NFU1: variants seen among roughly 807,000 people sequenced by gnomAD.
NFU1 encodes NFU1 iron-sulfur cluster scaffold homolog, mitochondrial.
A neutral mutation model predicts 32.2 loss-of-function variants in NFU1; 30 were observed. That is an observed-to-expected ratio of 0.93 (90% CI 0.70 to 1.26). The LOEUF (loss-of-function observed/expected upper bound fraction) is 1.26, where lower values mean the gene tolerates loss of function less well. Ranked by LOEUF, NFU1 falls within the 50% of genes most tolerant of loss-of-function variation. The probability of loss-of-function intolerance (pLI) is 0.00; values close to 1 mark genes in which losing one functional copy is unlikely to be tolerated. For synonymous variants in NFU1, 112 were observed against 104.6 expected (o/e 1.07, Z -0.43); for missense variants, 306 against 306.6 (o/e 1.00, Z 0.02).
intron 1 of NFU1, among the ~76,000 whole-genome samples, chr2:69,432,615 T>C (rs940401033): frequency 6.6e-6 from 1 of 152,126 alleles, no homozygotes; most frequent in Admixed American, 6.5e-5. Flanking sequence ...ATTAGTAATT[T>C]ATAACCCATA....
intron 5 of NFU1, among the ~76,000 whole-genome samples, chr2:69,414,243 G>A (rs1309266801): frequency 6.6e-6 from 1 of 152,046 alleles, no homozygotes; most frequent in Non-Finnish European, 1.5e-5. Flanking sequence ...CATAAAATGA[G>A]TAAACTAGAA....
rs147202302 is a variant in NFU1, at chr2:69,402,910, G to C, written c.546-2372C>G. Among the ~76,000 whole-genome samples the C allele has an allele frequency of 2.0e-5, 3 of 150,102 alleles. No homozygotes were observed. The East Asian group carries it at 5.8e-4, about 29-fold the overall frequency. ...TATCTGATTTCTTGTGTCCCGTTGG[G>C]GAAAAAAAAAAAAATTGCCTACCCG... On this transcript the variant is annotated intron_variant, in intron 6 of 7. Coordinates refer to ENST00000410022, the MANE Select transcript of NFU1 (RefSeq NM_001002755.4).
chr2:69,432,791 C>G (rs369949504), intron 1 of NFU1, among the ~76,000 whole-genome samples: 30 of 152,214 alleles, frequency 2.0e-4, no homozygotes, highest in African/African-American at 7.2e-4. Flanking sequence ...ACGTTTCCCT[C>G]TCTCAAGATA....
chr2:69,436,849 A>G (rs1673855967), intron 1 of NFU1, among the ~76,000 whole-genome samples: 1 of 151,046 alleles, frequency 6.6e-6, no homozygotes, highest in Non-Finnish European at 1.5e-5. Flanking sequence ...CAGGGAATCT[A>G]GGGGTCCTGG....
At chr2:69,402,202 G>T (rs1286251525) in intron 6 of NFU1, among the ~76,000 whole-genome samples, 1 of 152,042 alleles carries the variant, frequency 6.6e-6, no homozygotes, top group Non-Finnish European at 1.5e-5. Context: ...GCCACTATTT[G>T]ATCATCTTTT....
chr2:69,400,486 C>T lies in NFU1; in HGVS notation c.598G>A (p.Gly200Ser). Residue 200 changes from glycine (G) to serine (S), a missense_variant, in exon 7 of 8, where the codon GGC (glycine) becomes AGC (serine). Gly to Ser is a moderately conservative substitution (Grantham distance 56). Coordinates refer to ENST00000410022, the MANE Select transcript of NFU1 (RefSeq NM_001002755.4). Reference protein sequence around the residue: ...GDVIYKGFEDGIVQLKLQGSC... With the variant: ...GDVIYKGFEDSIVQLKLQGSC... ...CCCTGGAGTTTCAGCTGTACAATGCCATCTTCAAAGCCTTTGTAGATTACA... is the reference window on the plus strand; with the variant it reads ...CCCTGGAGTTTCAGCTGTACAATGCTATCTTCAAAGCCTTTGTAGATTACA... 1 of 1,614,090 alleles carries T rather than the reference C, an allele frequency of 6.2e-7. No homozygotes were observed. The highest frequency in any genetic ancestry group is 8.5e-7 in the Non-Finnish European group (1 of 1,179,994).
rs1373660447 is a variant in NFU1 at position 69,415,259 on chromosome 2, A to T, written c.410T>A (p.Ile137Asn). The stretch of plus-strand genomic sequence containing the variant: ...AAAGAAGTCCATGATTGTTGCATAA[A>T]TATCTGGTTTCAGTAAATTCCAGTC... Reference protein sequence around the residue: ...ELDWNLLKPDIYATIMDFFAS... With the variant: ...ELDWNLLKPDNYATIMDFFAS... Residue 137 changes from isoleucine (I) to asparagine (N), a missense_variant, in exon 5 of 8, where the codon ATT becomes AAT. Transcript: ENST00000410022. 6.2e-7 allele frequency: 1 copy of T among 1,612,566 alleles called. No homozygotes were observed. Among genetic ancestry groups the T allele is most frequent in the Non-Finnish European group, 8.5e-7 (1 of 1,178,804 alleles).
chr2:69,410,338 G>A lies in NFU1; in HGVS notation c.485-4256C>T, dbSNP rs185049172. Among the ~76,000 whole-genome samples, 719 of 152,174 alleles carry A rather than the reference G, an allele frequency of 4.7e-3. 11 individuals carry two copies. Among genetic ancestry groups the A allele is most frequent in the Admixed American group, 0.011 (173 of 15,278 alleles). ...TGGGAGGTGGAGGTTGCAGTGAGCC[G>A]AGATCGCACCATTGCTCTCCAGCCT... On this transcript the variant is annotated intron_variant, in intron 5 of 7. Transcript: ENST00000410022.
At chr2:69,398,365 A>G (rs7592828) in intron 7 of NFU1, among the ~76,000 whole-genome samples, 99,307 of 152,004 alleles carry the variant, frequency 0.65, 33,704 homozygotes, top group African/African-American at 0.85. Context: ...CTTCAAAGAG[A>G]AGATGTCATG....
chr2:69,423,730 A>G lies in NFU1; in HGVS notation c.167-13T>C. 6.4e-7 allele frequency: 1 copy of G among 1,572,370 alleles called. No individual in the cohort carries two copies. The highest frequency in any genetic ancestry group is 8.7e-7 in the Non-Finnish European group (1 of 1,143,096). On this transcript the variant is annotated splice_polypyrimidine_tract_variant and intron_variant, in intron 2 of 7. Transcript: ENST00000410022. ...AACATGTATCTCACTAAAAAAGAAA[A>G]AGAAGAAAATGTTATTCTAGAAAAA...
chr2:69,417,247 A>C (rs1436414150), intron 4 of NFU1, among the ~76,000 whole-genome samples: 1 of 152,212 alleles, frequency 6.6e-6, no homozygotes, highest in Non-Finnish European at 1.5e-5. Flanking sequence ...GAAATCAGAA[A>C]TAGAAACAGG....
At chr2:69,404,310 G>A (rs1041418668) in intron 6 of NFU1, among the ~76,000 whole-genome samples, 5 of 150,852 alleles carry the variant, frequency 3.3e-5, no homozygotes, top group South Asian at 4.2e-4. Flanking sequence ...TGGCCAACAC[G>A]GTGAAACCCT....
chr2:69,406,123 T>G (rs948152727), intron 5 of NFU1, 41 bp from the exon 6 acceptor site: 4 of 1,196,322 alleles, frequency 3.3e-6, no homozygotes, highest in Admixed American at 3.4e-5. Context: ...AGTAGAAATT[T>G]TATAGCCATG....
intron 1 of NFU1, among the ~76,000 whole-genome samples, chr2:69,433,940 GTT>G (rs57285184): frequency 0.081 from 11,265 of 139,882 alleles, 1,366 homozygotes; most frequent in African/African-American, 0.27. Flanking sequence ...TGCCCAGCTA[GTT>G]TTTTTTTTTT....
chr2:69,427,790 T>G (rs547758543), intron 2 of NFU1, among the ~76,000 whole-genome samples: 28 of 151,600 alleles, frequency 1.8e-4, no homozygotes, highest in African/African-American at 6.3e-4. Flanking sequence ...AGGACCAGCC[T>G]GGCCAACATG....
Position 69,405,216 on chromosome 2 carries a change from T to G in NFU1, c.545+806A>C, listed in dbSNP as rs544194503. Among the ~76,000 whole-genome samples, 3 of 152,228 alleles carry G rather than the reference T, an allele frequency of 2.0e-5. No individual in the cohort carries two copies. The East Asian group carries it at 5.8e-4, about 30-fold the overall frequency. On this transcript the variant is annotated intron_variant, in intron 6 of 7. Transcript: ENST00000410022. ...AGCTGAGATTGCATGCCAGCCTGGGTGACAGAGCAAGACTCCGTCTTAAAA... is the reference window on the plus strand; with the variant it reads ...AGCTGAGATTGCATGCCAGCCTGGGGGACAGAGCAAGACTCCGTCTTAAAA...
chr2:69,416,504 A>G (rs1673059761), intron 4 of NFU1, among the ~76,000 whole-genome samples: 1 of 149,686 alleles, frequency 6.7e-6, no homozygotes, highest in Non-Finnish European at 1.5e-5. Context: ...AGAGATTCCC[A>G]TTCTCTTAAA....
intron 2 of NFU1, among the ~76,000 whole-genome samples, chr2:69,426,560 A>G (rs1673462070): frequency 6.6e-6 from 1 of 152,114 alleles, no homozygotes; most frequent in South Asian, 2.1e-4. Context: ...TGCTGGGATT[A>G]CAGGCATGAG....
chr2:69,400,298 C>G (rs1040357694), intron 7 of NFU1, 66 bp downstream of exon 7: 1 of 1,373,560 alleles, frequency 7.3e-7, no homozygotes, highest in Non-Finnish European at 1.0e-6. Flanking sequence ...CTATTTCCAG[C>G]CTTTGTATCT....
Sources: gnomAD v4.1 joint callset for allele counts (sites outside exome capture counted in the v4.1 genomes callset) on GRCh38, gnomAD v4.1.1 for gene constraint, MANE v1.5 for transcripts, NCBI Gene and HGNC (gene_info 2026-07-23, HGNC 2026-07-21) for gene names.